Variants in GALNTL6 observed in about 807,000 individuals in gnomAD.
The protein encoded by GALNTL6 is polypeptide N-acetylgalactosaminyltransferase-like 6.
In GALNTL6, 46 loss-of-function variants were observed where a neutral mutation model predicts 73.7. The observed-to-expected ratio is 0.62, with a 90% CI of 0.49 to 0.80. The LOEUF is 0.80. Ranked by LOEUF, GALNTL6 falls within the 30% of genes least tolerant of loss-of-function variation. GALNTL6 has a pLI of 0.00. For missense variants in GALNTL6, 604 were observed against 755.0 expected (o/e 0.80, Z 2.34); for synonymous variants, 259 against 263.7 (o/e 0.98, Z 0.17).
intron 2 of GALNTL6, among the ~76,000 whole-genome samples, chr4:172,096,924 G>C (rs747305031): frequency 6.6e-6 from 1 of 152,134 alleles, no homozygotes; most frequent in Non-Finnish European, 1.5e-5. Context: ...ACTAAATGCC[G>C]GTATGTAGAG....
At chr4:172,759,042 C>T (rs1414410910) in intron 5 of GALNTL6, among the ~76,000 whole-genome samples, 2 of 152,196 alleles carry the variant, frequency 1.3e-5, no homozygotes, top group African/African-American at 4.8e-5. Flanking sequence ...GGAGGTTCAA[C>T]TTATTGCAGT....
chr4:173,036,883 A>C (rs1229921160), intron 12 of GALNTL6, among the ~76,000 whole-genome samples: 1 of 152,248 alleles, frequency 6.6e-6, no homozygotes, highest in South Asian at 2.1e-4. Context: ...CAATGCTGTG[A>C]CCACTGAGGT....
chr4:172,721,737 G>A (rs967940882), intron 5 of GALNTL6, among the ~76,000 whole-genome samples: 1 of 152,182 alleles, frequency 6.6e-6, no homozygotes, highest in Admixed American at 6.5e-5. Context: ...TTAAATGACT[G>A]TCATTAGATT....
At chr4:172,482,479 G>A (rs1733526687) in intron 5 of GALNTL6, among the ~76,000 whole-genome samples, 1 of 152,210 alleles carries the variant, frequency 6.6e-6, no homozygotes, top group African/African-American at 2.4e-5. Context: ...CAAATTGATG[G>A]GAAGAGTTGT....
At chr4:172,563,483 A>ACCTTTT (rs1736451260) in intron 5 of GALNTL6, among the ~76,000 whole-genome samples, 5 of 152,340 alleles carry the variant, frequency 3.3e-5, no homozygotes, top group Admixed American at 3.3e-4. Context: ...CATAGCTAAA[A>ACCTTTT]TATCCCTCAG....
At chr4:172,331,696 G>T (rs1294683215) in intron 4 of GALNTL6, among the ~76,000 whole-genome samples, 36 of 152,090 alleles carry the variant, frequency 2.4e-4, no homozygotes. Context: ...CCATGTTGCT[G>T]CATGTTGCAG....
intron 6 of GALNTL6, among the ~76,000 whole-genome samples, chr4:172,810,384 A>C (rs1005082247): frequency 2.6e-5 from 4 of 152,232 alleles, no homozygotes; most frequent in Non-Finnish European, 4.4e-5. Flanking sequence ...AAACAAAAAA[A>C]ACCCTCCTTT....
rs79698729 is a variant in GALNTL6 at position 172,646,842 on chromosome 4, A to G, written c.554-162519A>G. ...TTAATATTTAGGAGCTCAAATTACC[A>G]TTTTTAGACTCCTGAAAAAGAATTT... On this transcript the variant is annotated intron_variant, in intron 5 of 12. Transcript: ENST00000506823. 5.6e-3 allele frequency among the ~76,000 whole-genome samples: 856 copies of G among 152,136 alleles called. 10 individuals carry two copies. The highest frequency in any genetic ancestry group is 0.019 in the African/African-American group (804 of 41,554).
intron 3 of GALNTL6, among the ~76,000 whole-genome samples, chr4:172,230,431 C>T (rs1475299190): frequency 2.0e-5 from 3 of 151,748 alleles, no homozygotes; most frequent in African/African-American, 7.3e-5. Flanking sequence ...ACTAAAAATA[C>T]AAAAAATTAG....
chr4:172,784,611 A>G (rs1174309584), intron 5 of GALNTL6, among the ~76,000 whole-genome samples: 5 of 152,100 alleles, frequency 3.3e-5, no homozygotes, highest in Admixed American at 6.6e-5. Flanking sequence ...ACAGCCATCA[A>G]ATGGAATTAT....
chr4:171,928,969 C>T (rs574062920), intron 2 of GALNTL6, among the ~76,000 whole-genome samples: 1 of 152,280 alleles, frequency 6.6e-6, no homozygotes, highest in East Asian at 1.9e-4. Flanking sequence ...AATTATACCA[C>T]AATAGAATGC....
At position 172,793,018 on chromosome 4, in the gene GALNTL6, G is replaced by A. The variant is rs563336584; in HGVS notation, c.554-16343G>A. Among the ~76,000 whole-genome samples the A allele has an allele frequency of 1.9e-3, 289 of 152,048 alleles. 2 individuals carry two copies. The highest frequency in any genetic ancestry group is 6.1e-3 in the African/African-American group (255 of 41,498). On this transcript the variant is annotated intron_variant, in intron 5 of 12. Coordinates refer to ENST00000506823, the MANE Select transcript of GALNTL6 (RefSeq NM_001034845.3). ...AGGAGCCCTATTTGGAGACATTATC[G>A]CCCCATGTGAAAACTTACTATATCC...
chr4:172,723,459 A>G (rs1266465624), intron 5 of GALNTL6, among the ~76,000 whole-genome samples: 1 of 152,156 alleles, frequency 6.6e-6, no homozygotes, highest in African/African-American at 2.4e-5. Flanking sequence ...GGGATCTAAG[A>G]TCTTGTGGAA....
chr4:172,673,064 G>T (rs1732080538), intron 5 of GALNTL6, among the ~76,000 whole-genome samples: 1 of 151,756 alleles, frequency 6.6e-6, no homozygotes, highest in Admixed American at 6.6e-5. Context: ...CTTGCATTGG[G>T]ATTTGTTTGC....
At position 172,868,169 on chromosome 4, in the gene GALNTL6, T is replaced by C. The variant is rs111472889; in HGVS notation, c.924-14621T>C. Among the ~76,000 whole-genome samples, 826 of 152,324 alleles carry C rather than the reference T, an allele frequency of 5.4e-3. 9 individuals are homozygous for C. The highest frequency in any genetic ancestry group is 0.018 in the African/African-American group (752 of 41,568). On this transcript the variant is annotated intron_variant, in intron 7 of 12. Coordinates refer to ENST00000506823, the MANE Select transcript of GALNTL6 (RefSeq NM_001034845.3). ...ACCAGGGGTGACCTGGTGACTGCAATTTGCAATGCCTGAAGGGATGCATAA... is the reference window on the plus strand; with the variant it reads ...ACCAGGGGTGACCTGGTGACTGCAACTTGCAATGCCTGAAGGGATGCATAA...
intron 8 of GALNTL6, among the ~76,000 whole-genome samples, chr4:172,901,352 CTG>C (rs1746619448): frequency 6.6e-6 from 1 of 152,128 alleles, no homozygotes; most frequent in African/African-American, 2.4e-5. Flanking sequence ...ACAAATATCT[CTG>C]TTAAATGGTA....
At chr4:172,166,273 G>A (rs1036446692) in intron 2 of GALNTL6, among the ~76,000 whole-genome samples, 6 of 151,938 alleles carry the variant, frequency 3.9e-5, no homozygotes, top group Admixed American at 1.3e-4. Context: ...GTGAAACCCC[G>A]TCTCTACTAA....
chr4:172,824,620 A>G (rs766825258), intron 7 of GALNTL6, among the ~76,000 whole-genome samples: 16 of 152,006 alleles, frequency 1.1e-4, no homozygotes, highest in Admixed American at 2.6e-4. Flanking sequence ...ATAGGAGTGA[A>G]AAAGAAACAA....
intron 2 of GALNTL6, among the ~76,000 whole-genome samples, chr4:171,859,025 T>G (rs9312512): frequency 0.16 from 23,712 of 152,044 alleles, 3,020 homozygotes; most frequent in African/African-American, 0.34. Flanking sequence ...TTTAAAAAAT[T>G]TTTCCATGTA....
Sources: gnomAD v4.1 joint callset for allele counts (sites outside exome capture counted in the v4.1 genomes callset) on GRCh38, gnomAD v4.1.1 for gene constraint, MANE v1.5 for transcripts, NCBI Gene and HGNC (gene_info 2026-07-23, HGNC 2026-07-21) for gene names.